The following PLCE1 variants were observed in gnomAD, a reference collection of about 807,000 sequenced individuals.
The protein encoded by PLCE1 is 1-phosphatidylinositol 4,5-bisphosphate phosphodiesterase epsilon-1.
Under a neutral mutation model 242.8 loss-of-function variants are expected in PLCE1, and 119 were observed. That is an observed-to-expected ratio of 0.49 (90% CI 0.42 to 0.57). The LOEUF (loss-of-function observed/expected upper bound fraction) is 0.57. Ranked by LOEUF, PLCE1 falls within the 20% of genes least tolerant of loss-of-function variation. The pLI, the probability that PLCE1 is intolerant of heterozygous loss-of-function variation, is 0.00. For missense variants in PLCE1, 2,441 were observed against 2,788.8 expected, an observed-to-expected ratio of 0.88 and a Z score of 2.81; for synonymous variants, 945 against 1,017.4, an observed-to-expected ratio of 0.93 and a Z score of 1.35.
chr10:94,211,231 C>G (rs889987777), intron 4 of PLCE1, among the ~76,000 whole-genome samples: 2 of 152,238 alleles, frequency 1.3e-5, no homozygotes, highest in African/African-American at 4.8e-5. Context: ...TCCCAGCTCT[C>G]CTCGTCCTCC....
chr10:94,132,350 A>C lies in PLCE1; in HGVS notation c.1383A>C (p.Ser461=), dbSNP rs756176410. The C allele has an allele frequency of 3.1e-6, 5 of 1,614,104 alleles. No individual in the cohort carries two copies. Among genetic ancestry groups the C allele is most frequent in the Non-Finnish European group, 4.2e-6 (5 of 1,180,002 alleles). Residue 461 remains serine, a synonymous_variant, in exon 3 of 33, where the codon TCA becomes TCC. Transcript: ENST00000371380. ...CEYRATLQRT[S]ISQYITGSLL... Reference sequence around the variant, plus strand: ...ATCGCGCCACCCTCCAAAGGACTTCAATATCGCAGTACATCACCGGTTCTC... The same window carrying C: ...ATCGCGCCACCCTCCAAAGGACTTCCATATCGCAGTACATCACCGGTTCTC...
intron 2 of PLCE1, among the ~76,000 whole-genome samples, chr10:94,037,041 C>T (rs2061678385): frequency 6.6e-6 from 1 of 152,134 alleles, no homozygotes; most frequent in Non-Finnish European, 1.5e-5. Flanking sequence ...TTACATCAGT[C>T]TAGAAAAGCT....
intron 22 of PLCE1, 77 bp downstream of exon 22, chr10:94,285,042 T>A: frequency 1.2e-6 from 1 of 820,338 alleles, no homozygotes; most frequent in South Asian, 1.4e-5. Flanking sequence ...AATTGGGCAT[T>A]GTGAACACTC....
rs1355147726 is a variant in PLCE1, at chr10:94,031,017, C to T, written c.-30C>T. The T allele has an allele frequency of 1.9e-6, 3 of 1,611,356 alleles. No homozygotes were observed. Among genetic ancestry groups the T allele is most frequent in the East Asian group, 4.5e-5 (2 of 44,830 alleles). On this transcript the variant is annotated 5_prime_UTR_variant, in exon 2 of 33. Transcript: ENST00000371380. Reference sequence around the variant, plus strand: ...TGATCACCAGGGAGGAAAAATAGAGCAATAGTCAAAACCTGTGTGTTAGTC... The same window carrying T: ...TGATCACCAGGGAGGAAAAATAGAGTAATAGTCAAAACCTGTGTGTTAGTC...
intron 1 of PLCE1, among the ~76,000 whole-genome samples, chr10:94,006,398 C>T (rs1394632010): frequency 6.6e-6 from 1 of 152,186 alleles, no homozygotes; most frequent in East Asian, 1.9e-4. Flanking sequence ...AAGGTTTCTA[C>T]TGTGTGGTGG....
chr10:94,294,942 G>T (rs2052759653), intron 23 of PLCE1, among the ~76,000 whole-genome samples: 1 of 135,274 alleles, frequency 7.4e-6, no homozygotes, highest in Non-Finnish European at 1.5e-5. Context: ...TTGAGACGGA[G>T]TCTTGCTCTG....
chr10:94,190,397 C>A (rs777607407), intron 4 of PLCE1, among the ~76,000 whole-genome samples: 4 of 151,980 alleles, frequency 2.6e-5, no homozygotes, highest in Non-Finnish European at 5.9e-5. Context: ...TTGCTTCAGG[C>A]TAGCAGTTTA....
chr10:94,265,772 A>C (rs757449026), intron 15 of PLCE1, 21 bp from the exon 16 acceptor site: 1 of 1,614,030 alleles, frequency 6.2e-7, no homozygotes, highest in South Asian at 1.1e-5. Context: ...ATGCAGTCTT[A>C]AGAAAATTTG....
intron 1 of PLCE1, among the ~76,000 whole-genome samples, chr10:94,028,882 A>G (rs1265649358): frequency 2.6e-5 from 4 of 152,100 alleles, no homozygotes; most frequent in Non-Finnish European, 4.4e-5. Context: ...GTTTTAAAAT[A>G]TGTCCACAAA....
chr10:94,181,989 G>C (rs1048098629), intron 4 of PLCE1, among the ~76,000 whole-genome samples: 7 of 152,090 alleles, frequency 4.6e-5, no homozygotes, highest in African/African-American at 1.4e-4. Context: ...CACACCAATA[G>C]TTGAGAATCA....
intron 2 of PLCE1, among the ~76,000 whole-genome samples, chr10:94,111,474 C>T (rs1337163679): frequency 3.3e-5 from 5 of 152,164 alleles, no homozygotes; most frequent in Non-Finnish European, 7.3e-5. Context: ...TCCTTAAATT[C>T]CTCCTGACAG....
At chr10:94,021,980 A>G (rs564665212) in intron 1 of PLCE1, among the ~76,000 whole-genome samples, 1 of 152,200 alleles carries the variant, frequency 6.6e-6, no homozygotes, top group East Asian at 1.9e-4. Context: ...TATTTTCCCC[A>G]TATGAATGAG....
intron 1 of PLCE1, among the ~76,000 whole-genome samples, chr10:94,003,256 G>A (rs2060966360): frequency 6.6e-6 from 1 of 152,176 alleles, no homozygotes; most frequent in Non-Finnish European, 1.5e-5. Flanking sequence ...AAGGCATAAT[G>A]TTGGCTTTTG....
At chr10:94,004,290 A>G (rs948223575) in intron 1 of PLCE1, among the ~76,000 whole-genome samples, 1 of 152,210 alleles carries the variant, frequency 6.6e-6, no homozygotes, top group Admixed American at 6.5e-5. Context: ...TTTCTGGAGT[A>G]AAACATTAAA....
chr10:94,083,198 C>T (rs958308387), intron 2 of PLCE1, among the ~76,000 whole-genome samples: 10 of 152,102 alleles, frequency 6.6e-5, no homozygotes, highest in African/African-American at 1.7e-4. Flanking sequence ...GAGCCCATAA[C>T]ATATGTTCCG....
chr10:94,113,069 G>C (rs2046004358), intron 2 of PLCE1, among the ~76,000 whole-genome samples: 2 of 152,168 alleles, frequency 1.3e-5, no homozygotes, highest in African/African-American at 4.8e-5. Context: ...TGTAGCGATG[G>C]AAGGTAGATT....
At chr10:94,103,207 T>A (rs980963160) in intron 2 of PLCE1, among the ~76,000 whole-genome samples, 2 of 152,194 alleles carry the variant, frequency 1.3e-5, no homozygotes, top group Admixed American at 1.3e-4. Context: ...AACCACCTGA[T>A]AAGACAGATA....
chr10:94,288,643 G>A (rs1265160441), intron 22 of PLCE1, among the ~76,000 whole-genome samples: 4 of 152,138 alleles, frequency 2.6e-5, no homozygotes, highest in Non-Finnish European at 5.9e-5. Context: ...CTGATTCTGA[G>A]GGGGATTTTG....
At chr10:94,036,821 A>T (rs1250777267) in intron 2 of PLCE1, among the ~76,000 whole-genome samples, 1 of 152,202 alleles carries the variant, frequency 6.6e-6, no homozygotes, top group South Asian at 2.1e-4. Context: ...GGAATTGCTC[A>T]TGTAACCTGA....
Sources: allele counts gnomAD v4.1 joint callset (sites outside exome capture counted in the v4.1 genomes callset), GRCh38; gene constraint gnomAD v4.1.1; transcripts MANE v1.5; gene names NCBI Gene and HGNC (gene_info 2026-07-23, HGNC 2026-07-21).